SEMA5A: variants seen among roughly 807,000 people sequenced by gnomAD.
SEMA5A encodes the protein semaphorin 5A.
Under a neutral mutation model 135.5 loss-of-function variants are expected in SEMA5A, and 55 were observed. The observed-to-expected ratio is 0.41, with a 90% CI of 0.33 to 0.51. SEMA5A has a LOEUF of 0.51. Among genes scored for constraint, SEMA5A ranks in the 20% least tolerant of loss-of-function variants. The pLI is 0.37. For synonymous variants in SEMA5A, 580 were observed against 546.5 expected (o/e 1.06, Z -0.85); for missense variants, 1,290 against 1,419.9 (o/e 0.91, Z 1.47).
intron 16 of SEMA5A, among the ~76,000 whole-genome samples, chr5:9,071,349 G>T (rs1561123944): frequency 6.6e-6 from 1 of 152,156 alleles, no homozygotes; most frequent in African/African-American, 2.4e-5. Context: ...CCATAGGCCT[G>T]ATTTAGAGAA....
intron 16 of SEMA5A, among the ~76,000 whole-genome samples, chr5:9,077,356 T>C (rs547198299): frequency 1.3e-5 from 2 of 152,346 alleles, no homozygotes; most frequent in African/African-American, 2.4e-5. Context: ...CGCTAGTTAC[T>C]CTGGGGAGAG....
intron 1 of SEMA5A, among the ~76,000 whole-genome samples, chr5:9,477,944 T>C (rs1759732554): frequency 6.6e-6 from 1 of 152,188 alleles, no homozygotes; most frequent in South Asian, 2.1e-4. Flanking sequence ...GGCCCTCCTA[T>C]CACAGGCCTG....
chr5:9,438,793 T>C (rs3822795), intron 1 of SEMA5A, among the ~76,000 whole-genome samples: 40,168 of 152,150 alleles, frequency 0.26, 5,523 homozygotes, highest in Non-Finnish European at 0.29. Flanking sequence ...CAGAACATTC[T>C]GGCTGTCCCT....
chr5:9,093,175 G>T (rs544199766), intron 16 of SEMA5A, among the ~76,000 whole-genome samples: 1 of 152,294 alleles, frequency 6.6e-6, no homozygotes, highest in African/African-American at 2.4e-5. Context: ...AAGAATGATT[G>T]TGGGAAAGGA....
At chr5:9,459,531 G>A (rs1382613296) in intron 1 of SEMA5A, among the ~76,000 whole-genome samples, 1 of 152,176 alleles carries the variant, frequency 6.6e-6, no homozygotes, top group East Asian at 1.9e-4. Context: ...TCTGCCTACA[G>A]CCCAAGTGAA....
At chr5:9,499,261 AC>A (rs1735462123) in intron 1 of SEMA5A, among the ~76,000 whole-genome samples, 1 of 152,218 alleles carries the variant, frequency 6.6e-6, no homozygotes. Context: ...TTAAGGAAAA[AC>A]ATCAAAGAAT....
At chr5:9,092,051 G>A (rs1561143819) in intron 16 of SEMA5A, among the ~76,000 whole-genome samples, 1 of 152,158 alleles carries the variant, frequency 6.6e-6, no homozygotes, top group Non-Finnish European at 1.5e-5. Flanking sequence ...GTATTATTCG[G>A]TCTTGGGATC....
At chr5:9,223,757 A>ATG (rs1251230584) in intron 8 of SEMA5A, among the ~76,000 whole-genome samples, 1 of 152,210 alleles carries the variant, frequency 6.6e-6, no homozygotes, top group Non-Finnish European at 1.5e-5. Flanking sequence ...GTGTATGTGT[A>ATG]TGTGCGTGTG....
chr5:9,290,837 C>T (rs78580034), intron 5 of SEMA5A, among the ~76,000 whole-genome samples: 2,629 of 152,200 alleles, frequency 0.017, 119 homozygotes, highest in East Asian at 0.16. Flanking sequence ...TTTCCCACCT[C>T]ATTTCAAAAC....
intron 3 of SEMA5A, among the ~76,000 whole-genome samples, chr5:9,369,015 T>C (rs939009426): frequency 1.3e-5 from 2 of 152,234 alleles, no homozygotes; most frequent in African/African-American, 4.8e-5. Context: ...TCCTGCATTA[T>C]TAACAACAAA....
chr5:9,187,366 A>G (rs1315184355), intron 11 of SEMA5A, among the ~76,000 whole-genome samples: 1 of 152,202 alleles, frequency 6.6e-6, no homozygotes, highest in Non-Finnish European at 1.5e-5. Context: ...GAGGTTGTTC[A>G]GTTAAAATTG....
chr5:9,353,973 TAAAA>T (rs56154322), intron 3 of SEMA5A, among the ~76,000 whole-genome samples: 1 of 139,224 alleles, frequency 7.2e-6, no homozygotes, highest in African/African-American at 2.6e-5. Flanking sequence ...AAGCACGTGT[TAAAA>T]AAAAAAAAAA....
At chr5:9,162,093 T>C (rs1244188559) in intron 11 of SEMA5A, among the ~76,000 whole-genome samples, 1 of 152,138 alleles carries the variant, frequency 6.6e-6, no homozygotes, top group Non-Finnish European at 1.5e-5. Context: ...TTAGAAAAGG[T>C]TATTTCTGTT....
At chr5:9,238,977 C>A (rs961870222) in intron 5 of SEMA5A, among the ~76,000 whole-genome samples, 1 of 151,940 alleles carries the variant, frequency 6.6e-6, no homozygotes, top group Non-Finnish European at 1.5e-5. Context: ...ATGGCTTCAC[C>A]CTTATTTTTT....
intron 11 of SEMA5A, among the ~76,000 whole-genome samples, chr5:9,187,602 G>C (rs1004368744): frequency 3.9e-5 from 6 of 152,148 alleles, no homozygotes; most frequent in Non-Finnish European, 8.8e-5. Context: ...AACTGTCAAA[G>C]AGTTCTACAT....
At chr5:9,452,594 GC>G (rs1014474663) in intron 1 of SEMA5A, among the ~76,000 whole-genome samples, 15 of 152,148 alleles carry the variant, frequency 9.9e-5, no homozygotes, top group African/African-American at 3.6e-4. Flanking sequence ...GTCAAGGTGA[GC>G]CCCCGCAAAT....
intron 3 of SEMA5A, among the ~76,000 whole-genome samples, chr5:9,362,921 C>A (rs1185953662): frequency 6.6e-6 from 1 of 152,180 alleles, no homozygotes; most frequent in African/African-American, 2.4e-5. Flanking sequence ...CCATTCAGCA[C>A]CACACCTGGC....
intron 3 of SEMA5A, among the ~76,000 whole-genome samples, chr5:9,365,921 A>C (rs1328878564): frequency 6.6e-6 from 1 of 152,194 alleles, no homozygotes. Flanking sequence ...AAATGACAGC[A>C]CTTGGGTCCT....
intron 11 of SEMA5A, among the ~76,000 whole-genome samples, chr5:9,187,551 C>T (rs997138484): frequency 6.6e-6 from 1 of 152,156 alleles, no homozygotes; most frequent in African/African-American, 2.4e-5. Flanking sequence ...AAGTTCTCCT[C>T]CTCTTGAGTT....
Sources: gnomAD v4.1 joint callset for allele counts (sites outside exome capture counted in the v4.1 genomes callset) on GRCh38, gnomAD v4.1.1 for gene constraint, MANE v1.5 for transcripts, NCBI Gene and HGNC (gene_info 2026-07-23, HGNC 2026-07-21) for gene names.